CDYL: variants seen among roughly 807,000 people sequenced by gnomAD.
CDYL encodes chromodomain Y like, also known as chromodomain Y-like protein.
CDYL carries 8 observed loss-of-function variants against 47.3 expected under a neutral mutation model. The observed-to-expected ratio is 0.17, with a 90% CI of 0.10 to 0.31. CDYL has a LOEUF of 0.31. Ranked by LOEUF, CDYL falls within the 10% of genes least tolerant of loss-of-function variation. CDYL has a pLI of 1.00. For missense variants in CDYL, 471 were observed against 701.4 expected, an observed-to-expected ratio of 0.67 and a Z score of 3.71; for synonymous variants, 266 against 265.0, an observed-to-expected ratio of 1.00 and a Z score of -0.04.
At chr6:4,783,264 ATT>A (rs1758665773) in intron 1 of CDYL, among the ~76,000 whole-genome samples, 1 of 147,066 alleles carries the variant, frequency 6.8e-6, no homozygotes, top group African/African-American at 2.5e-5. Flanking sequence ...TTTTTTTTTA[ATT>A]ATTATTATCT....
At chr6:4,779,345 T>G (rs1490182474) in intron 1 of CDYL, among the ~76,000 whole-genome samples, 2 of 152,220 alleles carry the variant, frequency 1.3e-5, no homozygotes, top group Non-Finnish European at 1.5e-5. Context: ...GGAGGAAATG[T>G]GAAGTCTTGC....
chr6:4,948,716 G>A (rs1758606554), intron 5 of CDYL, among the ~76,000 whole-genome samples: 3 of 152,192 alleles, frequency 2.0e-5, no homozygotes, highest in African/African-American at 7.2e-5. Context: ...GTCCAGCCCA[G>A]AATGTCCCTA....
intron 1 of CDYL, among the ~76,000 whole-genome samples, chr6:4,866,178 A>G (rs1021581320): frequency 1.3e-5 from 2 of 152,180 alleles, no homozygotes; most frequent in African/African-American, 2.4e-5. Flanking sequence ...GTGGTTGTCA[A>G]AATTTTGGAG....
chr6:4,738,095 C>A (rs1438736875), intron 3 of CDYL, among the ~76,000 whole-genome samples: 1 of 152,060 alleles, frequency 6.6e-6, no homozygotes, highest in Non-Finnish European at 1.5e-5. Context: ...CTGCTATAGT[C>A]AAAAAATACA....
upstream of CDYL, among the ~76,000 whole-genome samples, chr6:4,773,455 T>G (rs1197378162): frequency 6.6e-6 from 1 of 152,188 alleles, no homozygotes; most frequent in African/African-American, 2.4e-5. The surrounding 1 kb of genome is among the most constrained non-coding windows in gnomAD (Gnocchi z 4.6). Flanking sequence ...TCCAAGTCAT[T>G]AAATAATCTT....
chr6:4,930,165 G>C (rs1357790876), intron 2 of CDYL, among the ~76,000 whole-genome samples: 1 of 152,158 alleles, frequency 6.6e-6, no homozygotes, highest in Non-Finnish European at 1.5e-5. Flanking sequence ...AGGACTTCCG[G>C]CCCTAGGCAG....
intron 1 of CDYL, among the ~76,000 whole-genome samples, chr6:4,812,578 T>C (rs1759560304): frequency 6.6e-6 from 1 of 152,226 alleles, no homozygotes; most frequent in African/African-American, 2.4e-5. Context: ...GCCATAGCAT[T>C]ATAATGTTTT....
chr6:4,937,912 A>G (rs943366002), intron 4 of CDYL, among the ~76,000 whole-genome samples, 175 bp downstream of exon 4: 2 of 152,252 alleles, frequency 1.3e-5, no homozygotes, highest in African/African-American at 4.8e-5. Context: ...CCTGCCATAA[A>G]TTACTACTTG....
chr6:4,929,526 A>ACACACACG (rs70974153), intron 2 of CDYL, among the ~76,000 whole-genome samples: 1 of 147,642 alleles, frequency 6.8e-6, no homozygotes, highest in Non-Finnish European at 1.5e-5. Flanking sequence ...ACACACACAC[A>ACACACACG]TACATACACA....
intron 1 of CDYL, among the ~76,000 whole-genome samples, chr6:4,795,991 G>C (rs1554098591): frequency 6.6e-6 from 1 of 151,750 alleles, no homozygotes; most frequent in Non-Finnish European, 1.5e-5. Context: ...GTCTTGCTCT[G>C]TTGCCCAGGT....
chr6:4,851,336 T>C (rs189418725), intron 1 of CDYL, among the ~76,000 whole-genome samples: 1 of 152,324 alleles, frequency 6.6e-6, no homozygotes, highest in African/African-American at 2.4e-5. Context: ...TACTTTATTA[T>C]TATTATCTAT....
intron 3 of CDYL, among the ~76,000 whole-genome samples, chr6:4,765,074 G>A (rs1397471744): frequency 3.3e-5 from 5 of 152,176 alleles, no homozygotes; most frequent in South Asian, 4.1e-4. Flanking sequence ...TGTAATCCCA[G>A]CACTTTGGGA....
At chr6:4,818,167 G>A (rs111252980) in intron 1 of CDYL, among the ~76,000 whole-genome samples, 1 of 152,022 alleles carries the variant, frequency 6.6e-6, no homozygotes, top group African/African-American at 2.4e-5. Context: ...GAGATGGGAG[G>A]ATCACTTGAG....
At chr6:4,745,886 C>T (rs187178813) in intron 3 of CDYL, among the ~76,000 whole-genome samples, 57 of 152,262 alleles carry the variant, frequency 3.7e-4, no homozygotes, top group African/African-American at 1.3e-3. Flanking sequence ...AGTGCACAAG[C>T]CCAGAGCAGG....
chr6:4,916,873 C>CGTGCACG (rs1401724021), intron 2 of CDYL, among the ~76,000 whole-genome samples: 2 of 152,228 alleles, frequency 1.3e-5, no homozygotes, highest in African/African-American at 2.4e-5. Context: ...GGCCTGGCCA[C>CGTGCACG]GTGCACGGCC....
intron 2 of CDYL, among the ~76,000 whole-genome samples, chr6:4,930,212 G>A (rs990412827): frequency 6.6e-6 from 1 of 152,126 alleles, no homozygotes; most frequent in African/African-American, 2.4e-5. Flanking sequence ...TCTGGTAATT[G>A]TTCTTTCCTC....
At position 4,779,458 on chromosome 6, in the gene CDYL, A is replaced by G. The variant is rs537322957; in HGVS notation, c.24+2651A>G. 2.4e-4 allele frequency among the ~76,000 whole-genome samples: 37 copies of G among 152,328 alleles called. No individual in the cohort carries two copies. The South Asian group carries it at 7.0e-3, about 29-fold the overall frequency. On this transcript the variant is annotated intron_variant, in intron 1 of 6. Coordinates refer to ENST00000397588, the MANE Select transcript of CDYL (RefSeq NM_004824.4). Reference sequence around the variant, plus strand: ...GCCTTGGTTTTCTCGCCTAAAAGAAATGTCTCCAATACTTAGCATGGAACC... The same window carrying G: ...GCCTTGGTTTTCTCGCCTAAAAGAAGTGTCTCCAATACTTAGCATGGAACC...
chr6:4,785,634 T>C (rs1443895195), intron 1 of CDYL, among the ~76,000 whole-genome samples: 1 of 152,226 alleles, frequency 6.6e-6, no homozygotes, highest in Non-Finnish European at 1.5e-5. Context: ...TCCCAGCTCT[T>C]TAGTGTATCT....
intron 1 of CDYL, among the ~76,000 whole-genome samples, chr6:4,882,210 A>G (rs1761782542): frequency 1.3e-5 from 2 of 152,280 alleles, no homozygotes; most frequent in Admixed American, 1.3e-4. Flanking sequence ...TGGCAAGCTC[A>G]CTTGTTAGCT....
Sources: gnomAD v4.1 joint callset for allele counts (sites outside exome capture counted in the v4.1 genomes callset) on GRCh38, gnomAD v4.1.1 for gene constraint, Gnocchi (gnomAD v3.1) non-coding constraint, MANE v1.5 for transcripts, NCBI Gene and HGNC (gene_info 2026-07-23, HGNC 2026-07-21) for gene names.